PLXDC1: variants seen among roughly 807,000 people sequenced by gnomAD.
The protein encoded by PLXDC1 is plexin domain containing 1.
PLXDC1 carries 39 observed loss-of-function variants against 61.3 expected under a neutral mutation model. The ratio of observed to expected loss-of-function variants is 0.64; its 90% CI spans 0.49 to 0.83. The LOEUF (loss-of-function observed/expected upper bound fraction) is 0.83, where lower values mean the gene tolerates loss of function less well. Among genes scored for constraint, PLXDC1 ranks in the 40% least tolerant of loss-of-function variants. The pLI is 0.00. For synonymous variants in PLXDC1, 212 were observed against 254.5 expected (o/e 0.83, Z 1.59); for missense variants, 596 against 666.5 (o/e 0.89, Z 1.17).
intron 9 of PLXDC1, chr17:39,079,959 T>A (rs1051195091): frequency 1.0e-5 from 2 of 197,322 alleles, no homozygotes; most frequent in Non-Finnish European, 2.1e-5. Context: ...CCAGGAGCTG[T>A]CAGTCTTTCC....
intron 2 of PLXDC1, among the ~76,000 whole-genome samples, chr17:39,130,570 C>G (rs72823324): frequency 0.22 from 33,595 of 151,924 alleles, 4,525 homozygotes; most frequent in East Asian, 0.38. Context: ...TTTTATTTTA[C>G]TTTATTTTAT....
intron 9 of PLXDC1, among the ~76,000 whole-genome samples, chr17:39,082,546 C>T (rs112241282): frequency 2.3e-5 from 3 of 128,278 alleles, no homozygotes; most frequent in African/African-American, 9.2e-5. Context: ...GCCTGGGCAA[C>T]AAGAGCAAAA....
intron 13 of PLXDC1, among the ~76,000 whole-genome samples, chr17:39,069,204 C>T (rs780529758): frequency 4.6e-5 from 7 of 152,148 alleles, no homozygotes; most frequent in African/African-American, 7.2e-5. Flanking sequence ...CCACTGGGCT[C>T]AAGGGATCCT....
intron 2 of PLXDC1, among the ~76,000 whole-genome samples, chr17:39,134,482 C>T (rs1374472409): frequency 1.3e-5 from 2 of 151,408 alleles, no homozygotes; most frequent in Admixed American, 6.6e-5. Flanking sequence ...AAAAATTAGC[C>T]GGGCTTGGTA....
intron 11 of PLXDC1, among the ~76,000 whole-genome samples, chr17:39,077,242 G>A (rs1909375215): frequency 6.6e-6 from 1 of 152,142 alleles, no homozygotes; most frequent in Non-Finnish European, 1.5e-5. Context: ...GAGGGGGCAT[G>A]GGAGAAAGGG....
chr17:39,105,857 G>C lies in PLXDC1; in HGVS notation c.808C>G (p.Pro270Ala). Residue 270 changes from proline (P) to alanine (A), a missense_variant, in exon 7 of 14, where the codon CCA becomes GCA. Transcript: ENST00000315392. The stretch of plus-strand genomic sequence containing the variant: ...TGCGGGGTCCCTGAAGACTCACCTG[G>C]CACATCCGGGGATGGATTGAGAATC... ...FMILNPSPDV[P>A]ESRRRSIFEY... The C allele has an allele frequency of 6.2e-7, 1 of 1,608,688 alleles. No individual in the cohort carries two copies. The highest frequency in any genetic ancestry group is 1.1e-5 in the South Asian group (1 of 90,886).
intron 7 of PLXDC1, among the ~76,000 whole-genome samples, chr17:39,104,138 C>T (rs969713700): frequency 6.6e-6 from 1 of 152,148 alleles, no homozygotes; most frequent in Non-Finnish European, 1.5e-5. Flanking sequence ...ATTCTTATAC[C>T]GGACTCACAG....
intron 8 of PLXDC1, 44 bp downstream of exon 8, chr17:39,087,563 G>T (rs1195708939): frequency 1.4e-6 from 2 of 1,450,794 alleles, no homozygotes; most frequent in Non-Finnish European, 1.9e-6. Flanking sequence ...CAGTCTGCTT[G>T]ACTCCAGAGC....
At chr17:39,078,583 T>C (rs888426812) in intron 10 of PLXDC1, among the ~76,000 whole-genome samples, 1 of 152,212 alleles carries the variant, frequency 6.6e-6, no homozygotes, top group East Asian at 1.9e-4. Context: ...TATGTTAGTC[T>C]ATGGTGTGAG....
intron 11 of PLXDC1, among the ~76,000 whole-genome samples, chr17:39,076,340 C>G (rs927583283): frequency 6.6e-6 from 1 of 151,446 alleles, no homozygotes; most frequent in African/African-American, 2.4e-5. Flanking sequence ...GAGACCTCAT[C>G]TCTACAAAAA....
At chr17:39,116,324 C>T (rs62077960) in intron 2 of PLXDC1, among the ~76,000 whole-genome samples, 13,592 of 152,150 alleles carry the variant, frequency 0.089, 732 homozygotes, top group Non-Finnish European at 0.12. Context: ...GGGATGGTGG[C>T]ACATTCATCT....
At chr17:39,128,105 A>ATATATATATATATATATATATATATGTG (rs1911385506) in intron 2 of PLXDC1, among the ~76,000 whole-genome samples, 1 of 81,786 alleles carries the variant, frequency 1.2e-5, no homozygotes, top group African/African-American at 5.3e-5. Flanking sequence ...GTGTATATAT[A>ATATATATATATATATATATATATATGTG]TATATATATG....
At chr17:39,130,283 T>G (rs1475956778) in intron 2 of PLXDC1, among the ~76,000 whole-genome samples, 1 of 152,080 alleles carries the variant, frequency 6.6e-6, no homozygotes, top group African/African-American at 2.4e-5. Context: ...TGAGATCTTG[T>G]CTCTACAAAA....
At chr17:39,096,803 G>A (rs1567759686) in intron 7 of PLXDC1, 1 of 408,802 alleles carries the variant, frequency 2.4e-6, no homozygotes, top group East Asian at 7.3e-5. Flanking sequence ...ATGAAATAAA[G>A]AGTTTCTTAA....
intron 2 of PLXDC1, among the ~76,000 whole-genome samples, chr17:39,132,822 G>A (rs1430765620): frequency 6.6e-6 from 1 of 152,036 alleles, no homozygotes; most frequent in African/African-American, 2.4e-5. Context: ...TTTGTGTAGG[G>A]GGAGGCAAAA....
At chr17:39,136,440 T>G (rs1189691869) in intron 2 of PLXDC1, among the ~76,000 whole-genome samples, 1 of 152,150 alleles carries the variant, frequency 6.6e-6, no homozygotes, top group African/African-American at 2.4e-5. Context: ...TAGAGGCAAG[T>G]TCTCGTTATG....
intron 2 of PLXDC1, among the ~76,000 whole-genome samples, chr17:39,122,654 T>G (rs1163831304): frequency 6.6e-6 from 1 of 152,154 alleles, no homozygotes; most frequent in Non-Finnish European, 1.5e-5. Context: ...ATTCACACAA[T>G]TCACAGCCCA....
intron 2 of PLXDC1, among the ~76,000 whole-genome samples, chr17:39,115,645 G>A (rs1910942616): frequency 6.6e-6 from 1 of 152,222 alleles, no homozygotes; most frequent in African/African-American, 2.4e-5. Context: ...GCAGAGCCAA[G>A]CACAAAGCCT....
At chr17:39,103,886 A>C (rs1290647843) in intron 7 of PLXDC1, among the ~76,000 whole-genome samples, 1 of 151,382 alleles carries the variant, frequency 6.6e-6, no homozygotes, top group Non-Finnish European at 1.5e-5. Flanking sequence ...TGGAAATGGC[A>C]AAAATCTCAA....
Sources: allele counts gnomAD v4.1 joint callset (sites outside exome capture counted in the v4.1 genomes callset), GRCh38; gene constraint gnomAD v4.1.1; transcripts MANE v1.5; gene names NCBI Gene and HGNC (gene_info 2026-07-23, HGNC 2026-07-21).